LDAH: variants seen among roughly 807,000 people sequenced by gnomAD.
The protein encoded by LDAH is lipid droplet-associated hydrolase.
LDAH carries 26 observed loss-of-function variants against 29.6 expected under a neutral mutation model. The ratio of observed to expected loss-of-function variants is 0.88; its 90% CI spans 0.64 to 1.22. The LOEUF (loss-of-function observed/expected upper bound fraction) is 1.22, where lower values mean the gene tolerates loss of function less well. Among genes scored for constraint, LDAH ranks in the 50% most tolerant of loss-of-function variants. The pLI is 0.00. For missense variants in LDAH, 344 were observed against 387.3 expected, an observed-to-expected ratio of 0.89 and a Z score of 0.94; for synonymous variants, 117 against 133.0, an observed-to-expected ratio of 0.88 and a Z score of 0.83.
intron 4 of LDAH, among the ~76,000 whole-genome samples, chr2:20,745,346 T>A (rs936487678): frequency 6.6e-6 from 1 of 152,222 alleles, no homozygotes; most frequent in African/African-American, 2.4e-5. Flanking sequence ...CTAATAGACA[T>A]CTTAACAGGT....
intron 4 of LDAH, among the ~76,000 whole-genome samples, chr2:20,765,644 A>C (rs956687589): frequency 1.3e-5 from 2 of 152,128 alleles, no homozygotes; most frequent in Non-Finnish European, 2.9e-5. Flanking sequence ...ATTGGGCTGC[A>C]TTCAGTGGCG....
chr2:20,759,709 T>C (rs1405147719), intron 4 of LDAH, among the ~76,000 whole-genome samples: 1 of 152,212 alleles, frequency 6.6e-6, no homozygotes, highest in Non-Finnish European at 1.5e-5. Flanking sequence ...TTCATCTGTT[T>C]CCACTCCCCT....
intron 5 of LDAH, among the ~76,000 whole-genome samples, chr2:20,735,605 T>A (rs563537930): frequency 1.3e-5 from 2 of 151,808 alleles, no homozygotes; most frequent in African/African-American, 4.8e-5. Context: ...TGGCATTGAT[T>A]TTTTTTTTCC....
intron 5 of LDAH, among the ~76,000 whole-genome samples, chr2:20,708,256 G>A (rs1393111375): frequency 6.6e-6 from 1 of 152,162 alleles, no homozygotes; most frequent in African/African-American, 2.4e-5. Flanking sequence ...AAAGGTTGGG[G>A]ACTGGTAACT....
intron 6 of LDAH, among the ~76,000 whole-genome samples, chr2:20,699,917 A>T (rs981429648): frequency 6.6e-6 from 1 of 152,206 alleles, no homozygotes; most frequent in Non-Finnish European, 1.5e-5. Flanking sequence ...AGCACAACAC[A>T]CAAGCTGAAT....
chr2:20,775,712 A>C (rs2125020946), intron 3 of LDAH, among the ~76,000 whole-genome samples: 1 of 152,336 alleles, frequency 6.6e-6, no homozygotes, highest in South Asian at 2.1e-4. Flanking sequence ...CTGCTCTTCT[A>C]GGTTCTTCAA....
intron 1 of LDAH, among the ~76,000 whole-genome samples, chr2:20,810,244 G>A (rs1672375220): frequency 6.6e-6 from 1 of 152,190 alleles, no homozygotes; most frequent in Non-Finnish European, 1.5e-5. Context: ...TGTCACATAG[G>A]CTGTTGGCCT....
chr2:20,713,895 C>G (rs1664962379), intron 5 of LDAH, among the ~76,000 whole-genome samples: 1 of 152,126 alleles, frequency 6.6e-6, no homozygotes, highest in Non-Finnish European at 1.5e-5. Context: ...TCCTTAGAGA[C>G]CTACAAAGAG....
chr2:20,705,052 T>G (rs1664208031), intron 5 of LDAH, among the ~76,000 whole-genome samples: 1 of 152,226 alleles, frequency 6.6e-6, no homozygotes, highest in South Asian at 2.1e-4. Flanking sequence ...CATTCTTGGT[T>G]TATTCCCTTA....
At chr2:20,768,014 G>C (rs915109864) in intron 4 of LDAH, among the ~76,000 whole-genome samples, 7 of 152,086 alleles carry the variant, frequency 4.6e-5, no homozygotes, top group African/African-American at 1.4e-4. Flanking sequence ...ACACTCACTG[G>C]GACACCCTGG....
downstream of LDAH, among the ~76,000 whole-genome samples, chr2:20,683,027 C>T (rs1240523880): frequency 6.6e-6 from 1 of 152,208 alleles, no homozygotes; most frequent in East Asian, 1.9e-4. Context: ...CAACCTCATC[C>T]TCTTCTCTCT....
intron 5 of LDAH, among the ~76,000 whole-genome samples, chr2:20,727,982 G>T (rs1190529838): frequency 1.3e-5 from 2 of 152,164 alleles, no homozygotes; most frequent in Non-Finnish European, 2.9e-5. Context: ...CAGAACTCAA[G>T]CCTACAGGAA....
In LDAH at chr2:20,823,023, A is replaced by C. The variant is rs937630511; in HGVS notation, c.-3+14T>G. 6.6e-6 allele frequency: 1 copy of C among 152,336 alleles called. No homozygotes were observed. Among genetic ancestry groups the C allele is most frequent in the African/African-American group, 2.4e-5 (1 of 41,456 alleles). 9.4% of individuals were successfully genotyped at this position (152,336 alleles called of 1,614,324 possible). On this transcript the variant is annotated intron_variant, in intron 1 of 6. Transcript: ENST00000237822. ...TTTGGGCAGTCACCCTGAGCTCGGCAAGCTGTACCTCACCTGTCCACCTGG... is the reference window on the plus strand; with the variant it reads ...TTTGGGCAGTCACCCTGAGCTCGGCCAGCTGTACCTCACCTGTCCACCTGG...
rs1324746082 is a variant in LDAH, at chr2:20,686,243, C to G, written c.*660G>C. ...TGTGGCAGGAGGCACAGTTGGGGTC[C>G]TTCAACAATTCTTTATCTGGTTAGC... On this transcript the variant is annotated 3_prime_UTR_variant, in exon 7 of 7. Coordinates refer to ENST00000237822, the MANE Select transcript of LDAH (RefSeq NM_021925.4). 6.5e-6 allele frequency: 1 copy of G among 152,854 alleles called. No individual in the cohort carries two copies. Among genetic ancestry groups the G allele is most frequent in the Non-Finnish European group, 1.5e-5 (1 of 68,416 alleles). The allele number at this position is 152,854 out of a possible 1,614,324, so 9.5% of individuals were successfully genotyped here. A position where few individuals can be genotyped will look rare whatever the true frequency, so the allele number is the denominator to read the frequency against.
intron 5 of LDAH, among the ~76,000 whole-genome samples, chr2:20,737,884 C>T (rs897140146): frequency 3.3e-5 from 5 of 152,106 alleles, no homozygotes; most frequent in Non-Finnish European, 7.3e-5. Flanking sequence ...CTAAAACAGA[C>T]TCAGACTTGG....
intron 3 of LDAH, chr2:20,789,152 G>GT: frequency 6.4e-7 from 1 of 1,550,498 alleles, no homozygotes; most frequent in Non-Finnish European, 8.7e-7. Context: ...AAAACCAGCT[G>GT]TAATGGTCTG....
chr2:20,716,291 A>G (rs4971541), intron 5 of LDAH, among the ~76,000 whole-genome samples: 36,102 of 151,896 alleles, frequency 0.24, 4,889 homozygotes, highest in East Asian at 0.35. Context: ...TATTTATTGC[A>G]GCACTGTTCA....
chr2:20,709,557 G>C (rs1389374641), intron 5 of LDAH, among the ~76,000 whole-genome samples: 5 of 152,132 alleles, frequency 3.3e-5, no homozygotes, highest in Admixed American at 3.3e-4. Flanking sequence ...CTTGTTGTTA[G>C]AATTATAAAC....
At chr2:20,779,993 G>A (rs16988063) in intron 3 of LDAH, among the ~76,000 whole-genome samples, 33,054 of 151,934 alleles carry the variant, frequency 0.22, 4,718 homozygotes, top group East Asian at 0.5. Context: ...CTACTTCATC[G>A]ATCCATAAGG....
Sources: allele counts gnomAD v4.1 joint callset (sites outside exome capture counted in the v4.1 genomes callset), GRCh38; gene constraint gnomAD v4.1.1; transcripts MANE v1.5; gene names NCBI Gene and HGNC (gene_info 2026-07-23, HGNC 2026-07-21).